RMDN1: variants seen among roughly 807,000 people sequenced by gnomAD.
RMDN1 encodes regulator of microtubule dynamics protein 1.
RMDN1 carries 48 observed loss-of-function variants against 48.9 expected under a neutral mutation model. That is an observed-to-expected ratio of 0.98 (90% confidence interval 0.78 to 1.25). The LOEUF (loss-of-function observed/expected upper bound fraction) is 1.25. Ranked by LOEUF, RMDN1 falls within the 50% of genes most tolerant of loss-of-function variation. The pLI is 0.00. For missense variants in RMDN1, 418 were observed against 373.4 expected (o/e 1.12, Z -0.98); for synonymous variants, 148 against 132.6 (o/e 1.12, Z -0.80).
chr8:86,477,478 A>C, intron 7 of RMDN1, 154 bp from the exon 8 acceptor site: 1 of 573,466 alleles, frequency 1.7e-6, no homozygotes, highest in Non-Finnish European at 3.1e-6. Flanking sequence ...GTGAGAGTTA[A>C]CACCCAAAGT....
intron 2 of RMDN1, among the ~76,000 whole-genome samples, chr8:86,495,289 G>T (rs942625990): frequency 3.3e-5 from 5 of 152,144 alleles, no homozygotes; most frequent in Non-Finnish European, 7.3e-5. Flanking sequence ...TGAAACTGGT[G>T]TGGAGTGGCC....
intron 4 of RMDN1, among the ~76,000 whole-genome samples, 192 bp from the exon 5 acceptor site, chr8:86,485,153 G>A (rs1272287679): frequency 6.6e-6 from 1 of 152,172 alleles, no homozygotes; most frequent in Non-Finnish European, 1.5e-5. Flanking sequence ...GAATAGGGTT[G>A]GGCGCAGTGG....
chr8:86,500,038 T>C (rs10100254), intron 2 of RMDN1, among the ~76,000 whole-genome samples: 34,500 of 151,972 alleles, frequency 0.23, 4,153 homozygotes, highest in Non-Finnish European at 0.27. Flanking sequence ...CAACTCAAAA[T>C]GGATTAAAGA....
rs768253742 is a variant in RMDN1, at chr8:86,474,301, A to G, written c.*7T>C. The G allele has an allele frequency of 7.4e-6, 12 of 1,613,374 alleles. No individual in the cohort carries two copies. The East Asian group carries it at 2.7e-4, about 36-fold the overall frequency. On this transcript the variant is annotated 3_prime_UTR_variant, in exon 10 of 10. Transcript: ENST00000406452. ...TAGCTATTTCATAAATCTTCTCTGA[A>G]AAGTTCTCAATTCTTCTCACTGAAA...
In RMDN1 at chr8:86,474,260, A is replaced by G. The variant is rs755592721; in HGVS notation, c.*48T>C. ...CATATATTAAGTTTAGAATTAAAAG[A>G]AAAGGCAATGTTTATTAGCTATTTC... On this transcript the variant is annotated 3_prime_UTR_variant, in exon 10 of 10. Coordinates refer to ENST00000406452, the MANE Select transcript of RMDN1 (RefSeq NM_016033.3). 1 of 1,608,450 alleles carries G rather than the reference A, an allele frequency of 6.2e-7. No homozygotes were observed. Among genetic ancestry groups the G allele is most frequent in the Non-Finnish European group, 8.5e-7 (1 of 1,177,936 alleles).
downstream of RMDN1, chr8:86,468,801 G>A: frequency 2.3e-6 from 1 of 438,166 alleles, no homozygotes; most frequent in Non-Finnish European, 4.5e-6. Flanking sequence ...TACAGGCAGA[G>A]CTCTTGATTT....
upstream of RMDN1, among the ~76,000 whole-genome samples, chr8:86,509,177 T>G (rs1819900770): frequency 4.0e-5 from 6 of 151,238 alleles, no homozygotes; most frequent in South Asian, 1.0e-3. Flanking sequence ...CAAGAGAGAG[T>G]CCAGAGCAAA....
chr8:86,499,122 A>G (rs1043215825), intron 2 of RMDN1, among the ~76,000 whole-genome samples: 1 of 152,156 alleles, frequency 6.6e-6, no homozygotes, highest in African/African-American at 2.4e-5. Context: ...CTGAATGTGC[A>G]AAAGCTGGAA....
intron 2 of RMDN1, among the ~76,000 whole-genome samples, chr8:86,506,028 T>C (rs1419535788): frequency 6.6e-6 from 1 of 152,208 alleles, no homozygotes; most frequent in East Asian, 1.9e-4. Context: ...GGTTCTAATT[T>C]TGAATGGAGT....
Position 86,472,935 on chromosome 8 carries a change from A to G in RMDN1, c.*1373T>C, listed in dbSNP as rs761128373. On this transcript the variant is annotated 3_prime_UTR_variant, in exon 10 of 10. Transcript: ENST00000406452. ...AAAGTTACCTTCAAGCTATGTGCAT[A>G]AGGTATATATGAAACAAGTGAATTT... 40 of 165,842 alleles carry G rather than the reference A, an allele frequency of 2.4e-4. No individual in the cohort carries two copies. The highest frequency in any genetic ancestry group is 4.7e-4 in the Non-Finnish European group (37 of 79,110). 10.3% of individuals were successfully genotyped at this position (165,842 alleles called of 1,614,324 possible).
chr8:86,481,713 A>G, intron 5 of RMDN1: 1 of 574,594 alleles, frequency 1.7e-6, no homozygotes, highest in Non-Finnish European at 2.9e-6. Context: ...GGTCTCTGTC[A>G]GGCCAAGAAG....
chr8:86,479,599 G>A (rs2130641960), intron 6 of RMDN1, among the ~76,000 whole-genome samples: 1 of 152,292 alleles, frequency 6.6e-6, no homozygotes, highest in South Asian at 2.1e-4. Context: ...ATCTGACTTA[G>A]TGACTGCCCC....
Position 86,480,276 on chromosome 8 carries a change from C to A in RMDN1, c.641+1G>T, listed in dbSNP as rs1479694141. 33 of 1,504,796 alleles carry A rather than the reference C, an allele frequency of 2.2e-5. No homozygotes were observed. The highest frequency in any genetic ancestry group is 1.7e-4 in the Middle Eastern group (1 of 5,840). The allele number at this position is 1,504,796 out of a possible 1,614,324, so 93.2% of individuals were successfully genotyped here. On this transcript the variant is annotated splice_donor_variant, in intron 6 of 9. Transcript: ENST00000406452. LOFTEE classifies it high-confidence loss of function. ...TGAAATATTTAAAGAAATTTTCTTA[C>A]CAAATACCCATAAGGTGAATTGAAG...
At chr8:86,511,436 T>G (rs1481351894), upstream of RMDN1, among the ~76,000 whole-genome samples, 1 of 151,444 alleles carries the variant, frequency 6.6e-6, no homozygotes, top group African/African-American at 2.4e-5. Context: ...ATCGCACCAC[T>G]GCACTCCAGC....
rs758534778 is a variant in RMDN1, at chr8:86,508,509, G to C, written c.112C>G (p.Arg38Gly). The change falls in exon 1 of 10, where the codon CGA (arginine) becomes GGA (glycine). Residue 38 changes from arginine (R) to glycine (G), a missense_variant. Coordinates refer to ENST00000406452, the MANE Select transcript of RMDN1 (RefSeq NM_016033.3). ...SGSRGHCGPC[R>G]FRGFEVMGNP... Reference sequence around the variant, plus strand: ...GGGGGTACCTCGAAGCCGCGGAATCGACAGGGGCCGCAATGCCCGCGGCTG... The same window carrying C: ...GGGGGTACCTCGAAGCCGCGGAATCCACAGGGGCCGCAATGCCCGCGGCTG... 22 of 1,558,040 alleles carry C rather than the reference G, an allele frequency of 1.4e-5. No homozygotes were observed. The South Asian group carries it at 1.9e-4, about 13-fold the overall frequency.
chr8:86,509,267 G>T (rs552043229), upstream of RMDN1, among the ~76,000 whole-genome samples: 1 of 152,274 alleles, frequency 6.6e-6, no homozygotes, highest in South Asian at 2.1e-4. Context: ...GCCCTTGAAT[G>T]CTAGGGCATG....
chr8:86,486,418 G>C (rs1815468552), intron 4 of RMDN1, 66 bp downstream of exon 4: 1 of 1,150,372 alleles, frequency 8.7e-7, no homozygotes, highest in African/African-American at 1.6e-5. Context: ...GTAAATCAGA[G>C]ATAATAGAAA....
At chr8:86,495,643 C>T (rs1243399438) in intron 2 of RMDN1, among the ~76,000 whole-genome samples, 1 of 152,152 alleles carries the variant, frequency 6.6e-6, no homozygotes, top group Admixed American at 6.5e-5. Context: ...GTAGGCAGCA[C>T]AGCCTCAGCT....
chr8:86,504,361 T>C (rs1040314779), intron 2 of RMDN1: 1 of 1,571,638 alleles, frequency 6.4e-7, no homozygotes, highest in Admixed American at 1.7e-5. Context: ...CGTGCTGGAG[T>C]TCTTTAGAGT....
Sources: gnomAD v4.1 joint callset for allele counts (sites outside exome capture counted in the v4.1 genomes callset) on GRCh38, gnomAD v4.1.1 for gene constraint, MANE v1.5 for transcripts, NCBI Gene and HGNC (gene_info 2026-07-23, HGNC 2026-07-21) for gene names.